The following GNAQ variants were observed in gnomAD, a reference collection of about 807,000 sequenced individuals.
GNAQ encodes guanine nucleotide-binding protein G(q) subunit alpha.
GNAQ carries 8 observed loss-of-function variants against 43.9 expected under a neutral mutation model. The observed-to-expected ratio is 0.18, with a 90% CI of 0.11 to 0.33. GNAQ has a LOEUF of 0.33. Ranked by LOEUF, GNAQ falls within the 10% of genes least tolerant of loss-of-function variation. GNAQ has a pLI of 1.00. For synonymous variants in GNAQ, 155 were observed against 170.7 expected, an observed-to-expected ratio of 0.91 and a Z score of 0.71; for missense variants, 158 against 450.8, an observed-to-expected ratio of 0.35 and a Z score of 5.88.
intron 1 of GNAQ, among the ~76,000 whole-genome samples, chr9:78,015,172 A>G (rs116830169): frequency 1.4e-3 from 213 of 152,350 alleles, no homozygotes; most frequent in African/African-American, 4.9e-3. Context: ...GTTTGGATAC[A>G]CAAATACTTA....
At chr9:77,871,816 C>T (rs1828042813) in intron 2 of GNAQ, among the ~76,000 whole-genome samples, 1 of 152,078 alleles carries the variant, frequency 6.6e-6, no homozygotes, top group African/African-American at 2.4e-5. Context: ...GAAAAATCTT[C>T]CTATATGACA....
chr9:77,852,523 C>G (rs1827686667), intron 2 of GNAQ, among the ~76,000 whole-genome samples: 1 of 152,210 alleles, frequency 6.6e-6, no homozygotes, highest in South Asian at 2.1e-4. Context: ...CTTTCATGCC[C>G]CAAAGGCACA....
At chr9:77,803,018 A>T (rs1315660538) in intron 3 of GNAQ, among the ~76,000 whole-genome samples, 8 of 152,070 alleles carry the variant, frequency 5.3e-5, no homozygotes, top group Non-Finnish European at 2.9e-5. Flanking sequence ...AGGGCCCACA[A>T]GTGCCTTTGT....
At chr9:78,009,664 C>A (rs1299730206) in intron 1 of GNAQ, among the ~76,000 whole-genome samples, 1 of 152,142 alleles carries the variant, frequency 6.6e-6, no homozygotes, top group Admixed American at 6.5e-5. Context: ...AACTACAAAT[C>A]TTATTGTAAC....
At chr9:77,977,395 C>T (rs1175349203) in intron 1 of GNAQ, among the ~76,000 whole-genome samples, 3 of 152,036 alleles carry the variant, frequency 2.0e-5, no homozygotes, top group East Asian at 1.9e-4. Context: ...CACATGGAGG[C>T]GCCATGAACA....
chr9:77,783,685 G>A (rs1203088492), intron 5 of GNAQ, among the ~76,000 whole-genome samples: 1 of 152,140 alleles, frequency 6.6e-6, no homozygotes, highest in Non-Finnish European at 1.5e-5. Context: ...ACCTAGGGCT[G>A]AGAGGCAGGA....
chr9:77,787,887 G>A (rs1012536924), intron 5 of GNAQ, among the ~76,000 whole-genome samples: 7 of 151,898 alleles, frequency 4.6e-5, no homozygotes, highest in East Asian at 1.9e-4. Context: ...AAAATTAGCC[G>A]GGCATGGTGG....
chr9:77,995,182 A>T (rs750213422), intron 1 of GNAQ, among the ~76,000 whole-genome samples: 3 of 152,170 alleles, frequency 2.0e-5, no homozygotes, highest in Non-Finnish European at 4.4e-5. Context: ...TATTAATAAT[A>T]CCCCCATTTA....
At chr9:77,941,614 T>C (rs1468490328) in intron 1 of GNAQ, among the ~76,000 whole-genome samples, 1 of 152,104 alleles carries the variant, frequency 6.6e-6, no homozygotes, top group Admixed American at 6.6e-5. Context: ...TTAGCAACTT[T>C]CCCCAAGGAA....
chr9:77,937,052 G>A (rs932791499), intron 1 of GNAQ, among the ~76,000 whole-genome samples: 2 of 152,154 alleles, frequency 1.3e-5, no homozygotes, highest in African/African-American at 4.8e-5. Context: ...ACTATAACAG[G>A]TGCCACAGGA....
chr9:78,030,042 GCTAA>G (rs1199654164), intron 1 of GNAQ, among the ~76,000 whole-genome samples: 2 of 152,066 alleles, frequency 1.3e-5, no homozygotes, highest in Non-Finnish European at 1.5e-5. Flanking sequence ...GCATTTTCTT[GCTAA>G]CTTAGTGTTG....
At chr9:77,916,111 C>T (rs1828898759) in intron 2 of GNAQ, among the ~76,000 whole-genome samples, 1 of 152,128 alleles carries the variant, frequency 6.6e-6, no homozygotes, top group Admixed American at 6.6e-5. Flanking sequence ...TCTGAGCCTG[C>T]CCTAGTTTCT....
Position 77,721,233 on chromosome 9 carries a change from T to C in GNAQ, c.*90A>G. ...CCAGGACGGCAATAAATTAGTATTA[T>C]GCAAATTGTTTTCCACAGAAATACA... is the stretch of plus-strand genomic sequence containing the variant. On this transcript the variant is annotated 3_prime_UTR_variant, in exon 7 of 7. Transcript: ENST00000286548. 2.6e-6 allele frequency: 2 copies of C among 775,770 alleles called. No individual in the cohort carries two copies. The highest frequency in any genetic ancestry group is 4.3e-6 in the Non-Finnish European group (2 of 468,462). 48.1% of individuals were successfully genotyped at this position (775,770 alleles called of 1,614,324 possible).
chr9:77,841,058 A>T (rs1827481804), intron 2 of GNAQ, among the ~76,000 whole-genome samples: 1 of 152,042 alleles, frequency 6.6e-6, no homozygotes, highest in Non-Finnish European at 1.5e-5. Context: ...CGTGAAGCCC[A>T]GATATCACAC....
At chr9:77,926,434 A>C (rs1474948532) in intron 1 of GNAQ, among the ~76,000 whole-genome samples, 1 of 152,212 alleles carries the variant, frequency 6.6e-6, no homozygotes, top group African/African-American at 2.4e-5. Context: ...CTTTTCTACT[A>C]GTAGATTATT....
intron 3 of GNAQ, among the ~76,000 whole-genome samples, chr9:77,798,275 A>G (rs1378016960): frequency 6.6e-6 from 1 of 152,178 alleles, no homozygotes; most frequent in Non-Finnish European, 1.5e-5. Context: ...CTTTATATTT[A>G]TCTAGTTATA....
intron 2 of GNAQ, among the ~76,000 whole-genome samples, chr9:77,880,070 T>C (rs577250728): frequency 6.6e-6 from 1 of 152,302 alleles, no homozygotes; most frequent in East Asian, 1.9e-4. Flanking sequence ...AATTATCTCA[T>C]AATTGATGGT....
chr9:77,740,790 C>T (rs1825641637), intron 5 of GNAQ, among the ~76,000 whole-genome samples: 1 of 152,110 alleles, frequency 6.6e-6, no homozygotes, highest in African/African-American at 2.4e-5. Context: ...TTAATGATAA[C>T]TAGCATTGTT....
chr9:78,023,694 A>C (rs1019561753), intron 1 of GNAQ, among the ~76,000 whole-genome samples: 3 of 152,190 alleles, frequency 2.0e-5, no homozygotes, highest in Non-Finnish European at 2.9e-5. Context: ...AGAAACAAAA[A>C]AATTCTATTT....
Sources: allele counts gnomAD v4.1 joint callset (sites outside exome capture counted in the v4.1 genomes callset), GRCh38; gene constraint gnomAD v4.1.1; transcripts MANE v1.5; gene names NCBI Gene and HGNC (gene_info 2026-07-23, HGNC 2026-07-21).